Variants in OSBPL3 observed in about 807,000 individuals in gnomAD.
OSBPL3 encodes the protein oxysterol binding protein like 3.
In OSBPL3, 65 loss-of-function variants were observed where a neutral mutation model predicts 120.1. The observed-to-expected ratio is 0.54, with a 90% confidence interval of 0.44 to 0.67. The LOEUF is 0.67. OSBPL3 is among the 30% of genes least tolerant of loss of function. The probability of loss-of-function intolerance (pLI) is 0.00; values close to 1 mark genes in which losing one functional copy is unlikely to be tolerated. For missense variants in OSBPL3, 1,004 were observed against 1,082.1 expected, an observed-to-expected ratio of 0.93 and a Z score of 1.01; for synonymous variants, 416 against 402.6, an observed-to-expected ratio of 1.03 and a Z score of -0.40.
At position 24,968,416 on chromosome 7, in the gene OSBPL3, A is replaced by G. The variant is rs1471690607; in HGVS notation, c.-150+11470T>C. 1.3e-5 allele frequency among the ~76,000 whole-genome samples: 2 copies of G among 152,162 alleles called. No homozygotes were observed. Among genetic ancestry groups the G allele is most frequent in the Non-Finnish European group, 2.9e-5 (2 of 68,042 alleles). ...CACACCAGTTTTTTTGTTTTTTTTG[A>G]GTCGGAGTCTCCCTCTGTCACCCAG... On this transcript the variant is annotated intron_variant, in intron 1 of 22. Coordinates refer to ENST00000313367, the MANE Select transcript of OSBPL3 (RefSeq NM_015550.4). The surrounding 1 kb of genome is among the most constrained non-coding windows in gnomAD (Gnocchi z 4.6).
Position 24,891,213 on chromosome 7 carries a change from T to TA in OSBPL3, c.96+1163_96+1164insT, listed in dbSNP as rs1491135732. Among the ~76,000 whole-genome samples, 1 of 89,892 alleles carries TA rather than the reference T, an allele frequency of 1.1e-5. No homozygotes were observed. Among genetic ancestry groups the TA allele is most frequent in the Non-Finnish European group, 2.2e-5 (1 of 45,054 alleles). The allele number at this position is 89,892 out of a possible 152,430, so 59.0% of individuals were successfully genotyped here. A position where few individuals can be genotyped will look rare whatever the true frequency, so the allele number is the denominator to read the frequency against. On this transcript the variant is annotated intron_variant, in intron 2 of 22. Coordinates refer to ENST00000313367, the MANE Select transcript of OSBPL3 (RefSeq NM_015550.4). The surrounding 1 kb of genome is among the most constrained non-coding windows in gnomAD (Gnocchi z 4.1). ...AATGACTAATTTTAGTCTTTTCTTA[T>TA]TTTTTTTTTTTTTAATTCCAGAAGG... is the stretch of plus-strand genomic sequence containing the variant.
In OSBPL3 at chr7:24,832,379, G is replaced by A. The variant is rs530676247; in HGVS notation, c.1747-1474C>T. 3.6e-4 allele frequency among the ~76,000 whole-genome samples: 54 copies of A among 151,024 alleles called. 2 individuals are homozygous for A. The South Asian group carries it at 5.2e-3, about 15-fold the overall frequency. On this transcript the variant is annotated intron_variant, in intron 15 of 22. Coordinates refer to ENST00000313367, the MANE Select transcript of OSBPL3 (RefSeq NM_015550.4). Reference sequence around the variant, plus strand: ...ACAAAAATTAGCCGGGTGTGGTGGCGCACGCCTGTAATCCCAGCTACTCAG... The same window carrying A: ...ACAAAAATTAGCCGGGTGTGGTGGCACACGCCTGTAATCCCAGCTACTCAG...
At chr7:24,901,796 T>C (rs917730043) in intron 1 of OSBPL3, among the ~76,000 whole-genome samples, 2 of 152,216 alleles carry the variant, frequency 1.3e-5, no homozygotes, top group African/African-American at 4.8e-5. Flanking sequence ...CAAGACAATG[T>C]GTGCACCAAG....
In OSBPL3 at chr7:24,819,875, C is replaced by G. The variant is rs1794908083; in HGVS notation, c.1948+300G>C. The stretch of plus-strand genomic sequence containing the variant: ...AAATAAAATTTAAGTTTGACAAAAG[C>G]TGAAAACCCCTCTGCTGTCTACACT... On this transcript the variant is annotated intron_variant, in intron 17 of 22. Coordinates refer to ENST00000313367, the MANE Select transcript of OSBPL3 (RefSeq NM_015550.4). The surrounding 1 kb of genome is among the most constrained non-coding windows in gnomAD (Gnocchi z 4.1). 6.6e-6 allele frequency among the ~76,000 whole-genome samples: 1 copy of G among 152,136 alleles called. No homozygotes were observed. The highest frequency in any genetic ancestry group is 2.1e-4 in the South Asian group (1 of 4,832).
At chr7:24,823,359 A>C (rs970464944) in intron 16 of OSBPL3, among the ~76,000 whole-genome samples, 1 of 152,132 alleles carries the variant, frequency 6.6e-6, no homozygotes, top group Non-Finnish European at 1.5e-5. Flanking sequence ...CATTTAAAAA[A>C]TCAAAATATA....
chr7:24,871,883 G>A lies in OSBPL3; in HGVS notation c.213+70C>T. ...AATTCCAACTAGAAATTAAATATGA[G>A]TACCTAAGAACCAGGTGCTGAGTGG... On this transcript the variant is annotated intron_variant, in intron 3 of 22. Transcript: ENST00000313367. This position sits in a 1 kb window ranked among gnomAD's most constrained non-coding sequence, Gnocchi z 4.8. 1 of 1,460,372 alleles carries A rather than the reference G, an allele frequency of 6.8e-7. No homozygotes were observed. The highest frequency in any genetic ancestry group is 9.6e-7 in the Non-Finnish European group (1 of 1,040,590). The allele number at this position is 1,460,372 out of a possible 1,614,324, so 90.5% of individuals were successfully genotyped here.
intron 1 of OSBPL3, among the ~76,000 whole-genome samples, chr7:24,902,929 T>C (rs1247824792): frequency 1.3e-5 from 2 of 152,182 alleles, no homozygotes; most frequent in Non-Finnish European, 2.9e-5. Flanking sequence ...ATTGTCACTG[T>C]GCTCCAATTC....
At chr7:24,842,439 G>C (rs1797898692) in intron 12 of OSBPL3, 26 bp from the exon 13 acceptor site, 1 of 1,549,982 alleles carries the variant, frequency 6.5e-7, no homozygotes. Context: ...AACCAAAAAT[G>C]TATACATTTA....
In OSBPL3 at chr7:24,817,509, A is replaced by C. The variant is rs1253755907; in HGVS notation, c.1949-821T>G. Among the ~76,000 whole-genome samples, 1 of 152,122 alleles carries C rather than the reference A, an allele frequency of 6.6e-6. No individual in the cohort carries two copies. Among genetic ancestry groups the C allele is most frequent in the East Asian group, 1.9e-4 (1 of 5,198 alleles). Reference sequence around the variant, plus strand: ...TGATGGAGTGAGATTCTGCCAAAAAAAACAAAACAAAACTGAAAACGAAAA... The same window carrying C: ...TGATGGAGTGAGATTCTGCCAAAAACAACAAAACAAAACTGAAAACGAAAA... On this transcript the variant is annotated intron_variant, in intron 17 of 22. Coordinates refer to ENST00000313367, the MANE Select transcript of OSBPL3 (RefSeq NM_015550.4). The surrounding 1 kb of genome is among the most constrained non-coding windows in gnomAD (Gnocchi z 4.0).
At chr7:24,825,261 GGAGA>G (rs1335056853) in intron 16 of OSBPL3, among the ~76,000 whole-genome samples, 1 of 152,192 alleles carries the variant, frequency 6.6e-6, no homozygotes, top group Non-Finnish European at 1.5e-5. Flanking sequence ...GCATCACATG[GGAGA>G]GAAAGTGAAA....
intron 1 of OSBPL3, among the ~76,000 whole-genome samples, chr7:24,925,277 C>A (rs1562975929): frequency 6.6e-6 from 1 of 152,170 alleles, no homozygotes; most frequent in Non-Finnish European, 1.5e-5. Context: ...GGTGGTTAGC[C>A]TTCTGGGCTG....
chr7:24,944,599 C>T (rs1463118240), intron 1 of OSBPL3, among the ~76,000 whole-genome samples: 1 of 147,170 alleles, frequency 6.8e-6, no homozygotes, highest in Non-Finnish European at 1.5e-5. Flanking sequence ...CACTGCACTC[C>T]ATCTTGGGTG....
At chr7:24,979,112 A>T (rs911504354) in intron 1 of OSBPL3, among the ~76,000 whole-genome samples, 1 of 152,186 alleles carries the variant, frequency 6.6e-6, no homozygotes, top group Admixed American at 6.5e-5. Flanking sequence ...CACGGAATAA[A>T]CAGAGACAGA....
rs576704856 is a variant in OSBPL3, at chr7:24,852,563, G to C, written c.1099C>G (p.Gln367Glu). 28 of 1,607,428 alleles carry C rather than the reference G, an allele frequency of 1.7e-5. No individual in the cohort carries two copies. The highest frequency in any genetic ancestry group is 1.7e-4 in the Middle Eastern group (1 of 6,036). Reference protein sequence around the residue: ...EREKLKQLMEQDASSSPSAQV... With the variant: ...EREKLKQLMEEDASSSPSAQV... ...GCAGACGGGGAGGAGGAGGCATCCT[G>C]CTCCATCAGCTGCTTCAGTTTCTCT... The change falls in exon 11 of 23, where the codon CAG becomes GAG. Residue 367 changes from glutamine (Q) to glutamate (E), a missense_variant. By Grantham distance (29) the Gln-to-Glu change is conservative. Around this residue, in one of 4 missense-constraint regions of OSBPL3, gnomAD observed 272 missense variants for 248.8 expected, o/e 1.09. Coordinates refer to ENST00000313367, the MANE Select transcript of OSBPL3 (RefSeq NM_015550.4). This position sits in a 1 kb window ranked among gnomAD's most constrained non-coding sequence, Gnocchi z 4.1.
rs1480709764 is a variant in OSBPL3 at position 24,966,634 on chromosome 7, C to A, written c.-150+13252G>T. Among the ~76,000 whole-genome samples, 1 of 152,194 alleles carries A rather than the reference C, an allele frequency of 6.6e-6. No individual in the cohort carries two copies. The highest frequency in any genetic ancestry group is 1.9e-4 in the East Asian group (1 of 5,200). Reference sequence around the variant, plus strand: ...CTTTTTGACACCCTATTATTGGTATCATTCCTTAATGACACACACACAAAA... The same window carrying A: ...CTTTTTGACACCCTATTATTGGTATAATTCCTTAATGACACACACACAAAA... On this transcript the variant is annotated intron_variant, in intron 1 of 22. Coordinates refer to ENST00000313367, the MANE Select transcript of OSBPL3 (RefSeq NM_015550.4). The surrounding 1 kb of genome is among the most constrained non-coding windows in gnomAD (Gnocchi z 4.8).
Position 24,872,448 on chromosome 7 carries a change from A to AGAGAGTGTGTGTGT in OSBPL3, c.97-380_97-379insACACACACACTCTC, listed in dbSNP as rs912921078. ...TCAGTCTGAATTTTAACCGAAAGAG[A>AGAGAGTGTGTGTGT]GTGTGTGTGTGTGTGTGTGTGTGTG... On this transcript the variant is annotated intron_variant, in intron 2 of 22. Coordinates refer to ENST00000313367, the MANE Select transcript of OSBPL3 (RefSeq NM_015550.4). This position sits in a 1 kb window ranked among gnomAD's most constrained non-coding sequence, Gnocchi z 4.1. Among the ~76,000 whole-genome samples the AGAGAGTGTGTGTGT allele has an allele frequency of 1.4e-5, 2 of 144,890 alleles. No individual in the cohort carries two copies. Among genetic ancestry groups the AGAGAGTGTGTGTGT allele is most frequent in the African/African-American group, 5.2e-5 (2 of 38,708 alleles).
rs929502185 is a variant in OSBPL3 at position 24,855,914 on chromosome 7, G to A, written c.1028-3280C>T. On this transcript the variant is annotated intron_variant, in intron 10 of 22. Transcript: ENST00000313367. This position sits in a 1 kb window ranked among gnomAD's most constrained non-coding sequence, Gnocchi z 4.3. Reference sequence around the variant, plus strand: ...ACCAAAGCCACCCACCCCACAACACGACCAACTCTTCACATCTCCAGCTTC... The same window carrying A: ...ACCAAAGCCACCCACCCCACAACACAACCAACTCTTCACATCTCCAGCTTC... 2.0e-5 allele frequency among the ~76,000 whole-genome samples: 3 copies of A among 152,070 alleles called. No individual in the cohort carries two copies. Among genetic ancestry groups the A allele is most frequent in the Non-Finnish European group, 2.9e-5 (2 of 68,012 alleles).
rs929655014 is a variant in OSBPL3, at chr7:24,808,736, C to T, written c.2317+1071G>A. Among the ~76,000 whole-genome samples the T allele has an allele frequency of 2.0e-5, 3 of 152,172 alleles. No homozygotes were observed. Among genetic ancestry groups the T allele is most frequent in the African/African-American group, 7.2e-5 (3 of 41,434 alleles). On this transcript the variant is annotated intron_variant, in intron 20 of 22. Transcript: ENST00000313367. The surrounding 1 kb of genome is among the most constrained non-coding windows in gnomAD (Gnocchi z 4.6). ...CATTGTGCCCTTACTGGGGATTAATCCAAGACATCTAAATCTCTCTTGCCT... is the reference window on the plus strand; with the variant it reads ...CATTGTGCCCTTACTGGGGATTAATTCAAGACATCTAAATCTCTCTTGCCT...
rs535977567 is a variant in OSBPL3 at position 24,896,076 on chromosome 7, G to C, written c.-149-3455C>G. Among the ~76,000 whole-genome samples the C allele has an allele frequency of 6.6e-6, 1 of 152,322 alleles. No homozygotes were observed. The highest frequency in any genetic ancestry group is 6.5e-5 in the Admixed American group (1 of 15,302). Reference sequence around the variant, plus strand: ...AACATGCCTTAAGGATGGAGAGCTAGGACTTGCCCCAGCTTACAGGAACAG... The same window carrying C: ...AACATGCCTTAAGGATGGAGAGCTACGACTTGCCCCAGCTTACAGGAACAG... On this transcript the variant is annotated intron_variant, in intron 1 of 22. Coordinates refer to ENST00000313367, the MANE Select transcript of OSBPL3 (RefSeq NM_015550.4). This position sits in a 1 kb window ranked among gnomAD's most constrained non-coding sequence, Gnocchi z 4.4.
Sources: allele counts gnomAD v4.1 joint callset (sites outside exome capture counted in the v4.1 genomes callset), GRCh38; gene constraint gnomAD v4.1.1; regional missense constraint gnomAD v4.1.1; non-coding constraint Gnocchi (gnomAD v3.1); transcripts MANE v1.5; gene names NCBI Gene and HGNC (gene_info 2026-07-23, HGNC 2026-07-21).